The following KIRREL3 variants were observed in gnomAD, a reference collection of about 807,000 sequenced individuals.
The protein encoded by KIRREL3 is kin of IRRE-like protein 3.
A neutral mutation model predicts 89.7 loss-of-function variants in KIRREL3; 36 were observed. That is an observed-to-expected ratio of 0.40 (90% confidence interval 0.31 to 0.53). KIRREL3 has a LOEUF of 0.53. Ranked by LOEUF, KIRREL3 falls within the 20% of genes least tolerant of loss-of-function variation. KIRREL3 has a pLI of 0.49. For missense variants in KIRREL3, 864 were observed against 1,056.6 expected (o/e 0.82, Z 2.53); for synonymous variants, 445 against 441.4 (o/e 1.01, Z -0.10).
intron 1 of KIRREL3, among the ~76,000 whole-genome samples, chr11:126,829,399 C>A (rs1943528446): frequency 6.6e-6 from 1 of 152,164 alleles, no homozygotes; most frequent in Non-Finnish European, 1.5e-5. Flanking sequence ...GCTAATCAAT[C>A]CTAGTTGGTT....
At chr11:126,743,322 G>A (rs1476787578) in intron 1 of KIRREL3, among the ~76,000 whole-genome samples, 1 of 152,188 alleles carries the variant, frequency 6.6e-6, no homozygotes, top group Non-Finnish European at 1.5e-5. Flanking sequence ...TACAGGTGCT[G>A]GCTGGCTATA....
rs1383493464 is a variant in KIRREL3, at chr11:126,683,443, C to T, written c.56-120531G>A. ...TCCCATCCAACTCTGAGAAATGGGT[C>T]TGGGCATCCACTGCTTTCACCGAGG... On this transcript the variant is annotated intron_variant, in intron 1 of 16. Coordinates refer to ENST00000525144, the MANE Select transcript of KIRREL3 (RefSeq NM_032531.4). The surrounding 1 kb of genome is among the most constrained non-coding windows in gnomAD (Gnocchi z 5.2). Among the ~76,000 whole-genome samples, 3 of 152,196 alleles carry T rather than the reference C, an allele frequency of 2.0e-5. No individual in the cohort carries two copies. Among genetic ancestry groups the T allele is most frequent in the African/African-American group, 4.8e-5 (2 of 41,442 alleles).
intron 1 of KIRREL3, among the ~76,000 whole-genome samples, chr11:126,902,547 G>A (rs759293160): frequency 3.3e-5 from 5 of 152,240 alleles, no homozygotes; most frequent in Non-Finnish European, 2.9e-5. Context: ...CCCTAATGCA[G>A]TGAATTTGTT....
rs561096619 is a variant in KIRREL3 at position 126,918,499 on chromosome 11, C to G, written c.55+81956G>C. Among the ~76,000 whole-genome samples, 1 of 152,146 alleles carries G rather than the reference C, an allele frequency of 6.6e-6. No individual in the cohort carries two copies. Among genetic ancestry groups the G allele is most frequent in the Non-Finnish European group, 1.5e-5 (1 of 68,024 alleles). Reference sequence around the variant, plus strand: ...CAAGCTTGTGGTGGAGGGCAGTTACCGGATTTTAATTAACTAGCTGAATTA... The same window carrying G: ...CAAGCTTGTGGTGGAGGGCAGTTACGGGATTTTAATTAACTAGCTGAATTA... On this transcript the variant is annotated intron_variant, in intron 1 of 16. Coordinates refer to ENST00000525144, the MANE Select transcript of KIRREL3 (RefSeq NM_032531.4). The surrounding 1 kb of genome is among the most constrained non-coding windows in gnomAD (Gnocchi z 6.5).
chr11:126,533,955 C>T (rs1023953924), intron 2 of KIRREL3, among the ~76,000 whole-genome samples: 8 of 152,110 alleles, frequency 5.3e-5, no homozygotes, highest in South Asian at 4.1e-4. Context: ...TAGGGCTGGG[C>T]GACGGGAAGC....
intron 1 of KIRREL3, among the ~76,000 whole-genome samples, chr11:126,887,920 G>A (rs1945762688): frequency 6.6e-6 from 1 of 152,212 alleles, no homozygotes; most frequent in African/African-American, 2.4e-5. Flanking sequence ...GGTGGGAACA[G>A]GGGTCAGAAG....
rs1485848379 is a variant in KIRREL3, at chr11:126,605,891, G to A, written c.56-42979C>T. ...GATCAAATTAGAGGCACAAAGGGCA[G>A]AAGGGAACCTTGGAGGTTCCTCCTG... On this transcript the variant is annotated intron_variant, in intron 1 of 16. Transcript: ENST00000525144. The surrounding 1 kb of genome is among the most constrained non-coding windows in gnomAD (Gnocchi z 5.7). 2.6e-5 allele frequency among the ~76,000 whole-genome samples: 4 copies of A among 152,204 alleles called. No individual in the cohort carries two copies. The highest frequency in any genetic ancestry group is 4.8e-5 in the African/African-American group (2 of 41,462).
chr11:126,834,146 G>A (rs970374599), intron 1 of KIRREL3, among the ~76,000 whole-genome samples: 3 of 152,160 alleles, frequency 2.0e-5, no homozygotes, highest in Admixed American at 1.3e-4. Context: ...AGAAATTTAA[G>A]TTGCAGTTTG....
chr11:126,985,624 A>G lies in KIRREL3; in HGVS notation c.55+14831T>C, dbSNP rs377507395. On this transcript the variant is annotated intron_variant, in intron 1 of 16. Transcript: ENST00000525144. The surrounding 1 kb of genome is among the most constrained non-coding windows in gnomAD (Gnocchi z 5.3). ...AGAGGGACAGGAGGCACGAGGGAGCAGAGCACATTCGGACAATGTCAGCGG... is the reference window on the plus strand; with the variant it reads ...AGAGGGACAGGAGGCACGAGGGAGCGGAGCACATTCGGACAATGTCAGCGG... 6.6e-6 allele frequency among the ~76,000 whole-genome samples: 1 copy of G among 152,162 alleles called. No individual in the cohort carries two copies. The highest frequency in any genetic ancestry group is 1.9e-4 in the East Asian group (1 of 5,180).
rs978060273 is a variant in KIRREL3, at chr11:126,566,217, T to C, written c.56-3305A>G. Among the ~76,000 whole-genome samples, 1 of 152,142 alleles carries C rather than the reference T, an allele frequency of 6.6e-6. No individual in the cohort carries two copies. The highest frequency in any genetic ancestry group is 1.5e-5 in the Non-Finnish European group (1 of 68,020). Reference sequence around the variant, plus strand: ...AAGGAAGTCCAGGGTCACCTGCAGATGGGGCAGTGGAGGGCACTGTCCCAG... The same window carrying C: ...AAGGAAGTCCAGGGTCACCTGCAGACGGGGCAGTGGAGGGCACTGTCCCAG... On this transcript the variant is annotated intron_variant, in intron 1 of 16. Transcript: ENST00000525144. The surrounding 1 kb of genome is among the most constrained non-coding windows in gnomAD (Gnocchi z 4.9).
intron 7 of KIRREL3, among the ~76,000 whole-genome samples, chr11:126,450,527 G>T (rs375421141): frequency 6.6e-6 from 1 of 150,732 alleles, no homozygotes; most frequent in East Asian, 2.0e-4. Context: ...GTGCATCTGC[G>T]TATGTGTGCA....
At position 126,921,694 on chromosome 11, in the gene KIRREL3, GTCTT is replaced by G. The variant is rs1204304628; in HGVS notation, c.55+78757_55+78760del. Among the ~76,000 whole-genome samples the G allele has an allele frequency of 2.9e-4, 42 of 143,620 alleles. 2 individuals carry two copies. The highest frequency in any genetic ancestry group is 1.1e-3 in the African/African-American group (42 of 38,370). The allele number at this position is 143,620 out of a possible 152,430, so 94.2% of individuals were successfully genotyped here. On this transcript the variant is annotated intron_variant, in intron 1 of 16. Coordinates refer to ENST00000525144, the MANE Select transcript of KIRREL3 (RefSeq NM_032531.4). Reference sequence around the variant, plus strand: ...CTATCTGTAATCTATCTATCTGTCTGTCTTTCTTTCTTTTTCTTTCTATCTATAT... The same window carrying G: ...CTATCTGTAATCTATCTATCTGTCTGTCTTTCTTTTTCTTTCTATCTATAT...
At chr11:126,473,602 T>G (rs1375499022) in intron 4 of KIRREL3, 136 bp from the exon 5 acceptor site, 1 of 727,180 alleles carries the variant, frequency 1.4e-6, no homozygotes, top group East Asian at 2.8e-5. Context: ...TCCGCTTGTA[T>G]CGTAATGATG....
intron 4 of KIRREL3, among the ~76,000 whole-genome samples, chr11:126,499,462 G>A (rs981742140): frequency 1.3e-5 from 2 of 152,058 alleles, no homozygotes; most frequent in African/African-American, 4.8e-5. Context: ...TGGGACCCTC[G>A]GATCAGGCGA....
At position 126,501,965 on chromosome 11, in the gene KIRREL3, A is replaced by G. The variant is rs1957880034; in HGVS notation, c.433+19350T>C. On this transcript the variant is annotated intron_variant, in intron 4 of 16. Transcript: ENST00000525144. The surrounding 1 kb of genome is among the most constrained non-coding windows in gnomAD (Gnocchi z 5.8). The stretch of plus-strand genomic sequence containing the variant: ...TCCCGCCCAAGGGAGCAGCCATTAC[A>G]TAATTGTTTGCAAGCAGGCAAACAG... Among the ~76,000 whole-genome samples the G allele has an allele frequency of 6.6e-6, 1 of 152,220 alleles. No individual in the cohort carries two copies. Among genetic ancestry groups the G allele is most frequent in the South Asian group, 2.1e-4 (1 of 4,830 alleles).
rs1944657197 is a variant in KIRREL3, at chr11:126,860,087, T to C, written c.55+140368A>G. ...AGACATTTTTGACCAATAGATTAAG[T>C]AGCAGGAATTCAGGAAGGGAGTAAG... On this transcript the variant is annotated intron_variant, in intron 1 of 16. Transcript: ENST00000525144. This position sits in a 1 kb window ranked among gnomAD's most constrained non-coding sequence, Gnocchi z 4.6. 6.6e-6 allele frequency among the ~76,000 whole-genome samples: 1 copy of C among 152,118 alleles called. No homozygotes were observed. Among genetic ancestry groups the C allele is most frequent in the African/African-American group, 2.4e-5 (1 of 41,408 alleles).
chr11:126,899,822 A>C (rs1946301998), intron 1 of KIRREL3, among the ~76,000 whole-genome samples: 1 of 152,214 alleles, frequency 6.6e-6, no homozygotes, highest in Admixed American at 6.5e-5. Flanking sequence ...AGTAATCCTC[A>C]AACCTGGTCA....
At position 126,489,477 on chromosome 11, in the gene KIRREL3, T is replaced by C. The variant is rs775613066; in HGVS notation, c.434-16011A>G. ...ACATTGATAAGCATGGAGTGTCAAC[T>C]ATGTTCCAAAAGCTTCCTGATGGCC... On this transcript the variant is annotated intron_variant, in intron 4 of 16. Coordinates refer to ENST00000525144, the MANE Select transcript of KIRREL3 (RefSeq NM_032531.4). This position sits in a 1 kb window ranked among gnomAD's most constrained non-coding sequence, Gnocchi z 5.5. Among the ~76,000 whole-genome samples the C allele has an allele frequency of 3.5e-4, 54 of 152,178 alleles. No individual in the cohort carries two copies. Among genetic ancestry groups the C allele is most frequent in the Admixed American group, 3.9e-4 (6 of 15,282 alleles).
chr11:126,618,231 A>T (rs61899034), intron 1 of KIRREL3, among the ~76,000 whole-genome samples: 1 of 151,654 alleles, frequency 6.6e-6, no homozygotes, highest in South Asian at 2.1e-4. Flanking sequence ...GCAGATTTAT[A>T]GTTACGCATT....
Sources: gnomAD v4.1 joint callset for allele counts (sites outside exome capture counted in the v4.1 genomes callset) on GRCh38, gnomAD v4.1.1 for gene constraint, Gnocchi (gnomAD v3.1) non-coding constraint, MANE v1.5 for transcripts, NCBI Gene and HGNC (gene_info 2026-07-23, HGNC 2026-07-21) for gene names.